The following CCBE1 variants were observed in gnomAD, a reference collection of about 807,000 sequenced individuals.
CCBE1 encodes the protein collagen and calcium binding EGF domains 1, also known as collagen and calcium-binding EGF domain-containing protein 1.
In CCBE1, 37 loss-of-function variants were observed where a neutral mutation model predicts 50.0. That is an observed-to-expected ratio of 0.74 (90% confidence interval 0.57 to 0.97). CCBE1 has a LOEUF of 0.97. Ranked by LOEUF, CCBE1 falls within the 50% of genes least tolerant of loss-of-function variation. CCBE1 has a pLI of 0.00. For synonymous variants in CCBE1, 234 were observed against 203.7 expected (o/e 1.15, Z -1.27); for missense variants, 538 against 523.8 (o/e 1.03, Z -0.26).
intron 2 of CCBE1, among the ~76,000 whole-genome samples, chr18:59,610,074 C>T (rs2053549521): frequency 2.0e-5 from 3 of 152,184 alleles, no homozygotes; most frequent in African/African-American, 7.2e-5. Context: ...AGGTTATTAA[C>T]ATGAAAAATA....
intron 7 of CCBE1, among the ~76,000 whole-genome samples, chr18:59,441,368 G>A (rs1910413409): frequency 6.6e-6 from 1 of 151,940 alleles, no homozygotes; most frequent in Admixed American, 6.6e-5. Flanking sequence ...AAATTAGTCA[G>A]GTGTGGTGGT....
chr18:59,636,820 A>C (rs927589107), intron 2 of CCBE1, among the ~76,000 whole-genome samples: 2 of 152,258 alleles, frequency 1.3e-5, no homozygotes, highest in African/African-American at 4.8e-5. Context: ...CTGACTGTAA[A>C]ATAAACAATA....
intron 2 of CCBE1, among the ~76,000 whole-genome samples, chr18:59,482,402 C>G (rs1449982918): frequency 6.6e-6 from 1 of 152,162 alleles, no homozygotes; most frequent in Non-Finnish European, 1.5e-5. Context: ...CCTCAGGGAT[C>G]TAGAACCAGA....
At chr18:59,601,163 C>G (rs775065535) in intron 2 of CCBE1, among the ~76,000 whole-genome samples, 1 of 151,648 alleles carries the variant, frequency 6.6e-6, no homozygotes, top group African/African-American at 2.4e-5. Context: ...TCTTGAGTAG[C>G]TGGGACTAGA....
chr18:59,678,888 TA>T (rs2054546390), intron 2 of CCBE1, among the ~76,000 whole-genome samples: 1 of 152,074 alleles, frequency 6.6e-6, no homozygotes, highest in African/African-American at 2.4e-5. Context: ...CCAATTTTGC[TA>T]CAAAAAAAAT....
intron 2 of CCBE1, among the ~76,000 whole-genome samples, chr18:59,529,409 T>C (rs575616119): frequency 3.8e-4 from 58 of 152,204 alleles, no homozygotes; most frequent in Non-Finnish European, 5.9e-4. Flanking sequence ...CGGGAACTTG[T>C]AGTCTTAGGC....
At chr18:59,529,001 G>A (rs570431390) in intron 2 of CCBE1, among the ~76,000 whole-genome samples, 1 of 152,358 alleles carries the variant, frequency 6.6e-6, no homozygotes, top group South Asian at 2.1e-4. Context: ...GGCGGAGGGG[G>A]TGTGCTGCGC....
intron 2 of CCBE1, chr18:59,568,199 T>C (rs2052858446): frequency 6.6e-6 from 1 of 150,808 alleles, no homozygotes; most frequent in Non-Finnish European, 1.5e-5. Context: ...GAATGTGAGG[T>C]TCTGCCCTGT....
chr18:59,594,501 C>T (rs951281370), intron 2 of CCBE1, among the ~76,000 whole-genome samples: 5 of 152,156 alleles, frequency 3.3e-5, no homozygotes, highest in Non-Finnish European at 5.9e-5. Context: ...GTACTTAATG[C>T]CAGTGAACTG....
chr18:59,487,125 C>T (rs10503028), intron 2 of CCBE1, among the ~76,000 whole-genome samples: 1 of 146,816 alleles, frequency 6.8e-6, no homozygotes, highest in Non-Finnish European at 1.5e-5. Flanking sequence ...TCTAAAGGCA[C>T]ACTAGATGGT....
chr18:59,466,610 A>C, intron 5 of CCBE1, 129 bp downstream of exon 5: 1 of 427,868 alleles, frequency 2.3e-6, no homozygotes, highest in Non-Finnish European at 3.5e-6. Flanking sequence ...ACATAGCATA[A>C]TTACATAAAT....
At chr18:59,627,714 C>T (rs748596909) in intron 2 of CCBE1, among the ~76,000 whole-genome samples, 3 of 152,294 alleles carry the variant, frequency 2.0e-5, no homozygotes, top group East Asian at 1.9e-4. Context: ...AACCCCCAGA[C>T]GCTGGAAGCA....
chr18:59,564,983 G>C (rs895162407), intron 2 of CCBE1, among the ~76,000 whole-genome samples: 16 of 152,218 alleles, frequency 1.1e-4, no homozygotes, highest in Non-Finnish European at 1.8e-4. Flanking sequence ...GGAAAATCCA[G>C]CGTGATCACT....
intron 2 of CCBE1, among the ~76,000 whole-genome samples, chr18:59,504,335 G>C (rs1913767734): frequency 6.7e-6 from 1 of 150,290 alleles, no homozygotes; most frequent in Non-Finnish European, 1.5e-5. Flanking sequence ...ATTTTCCTCA[G>C]TAAAGATTTA....
intron 2 of CCBE1, among the ~76,000 whole-genome samples, chr18:59,536,316 G>A (rs1324014951): frequency 6.6e-6 from 1 of 152,086 alleles, no homozygotes; most frequent in Non-Finnish European, 1.5e-5. Context: ...CAGGCACTCA[G>A]GCCATCTGCA....
intron 2 of CCBE1, among the ~76,000 whole-genome samples, chr18:59,553,294 A>C (rs1915994459): frequency 6.6e-6 from 1 of 152,238 alleles, no homozygotes; most frequent in South Asian, 2.1e-4. Context: ...GTCTCATTCA[A>C]GCATGAGCAC....
intron 2 of CCBE1, among the ~76,000 whole-genome samples, chr18:59,516,785 G>A (rs1020690587): frequency 8.5e-5 from 13 of 152,122 alleles, no homozygotes; most frequent in African/African-American, 2.9e-4. Flanking sequence ...CCTGCACAGC[G>A]GCCAGAACAT....
intron 2 of CCBE1, among the ~76,000 whole-genome samples, chr18:59,687,922 C>T (rs1012659123): frequency 2.0e-5 from 3 of 152,182 alleles, no homozygotes; most frequent in African/African-American, 4.8e-5. Flanking sequence ...GATTGCACCA[C>T]TGCCCTCCAG....
At chr18:59,446,089 G>A (rs761034497) in intron 7 of CCBE1, among the ~76,000 whole-genome samples, 1 of 152,212 alleles carries the variant, frequency 6.6e-6, no homozygotes, top group African/African-American at 2.4e-5. Context: ...AGTTAAGAGA[G>A]AGAAGGAAAT....
Sources: allele counts gnomAD v4.1 joint callset (sites outside exome capture counted in the v4.1 genomes callset), GRCh38; gene constraint gnomAD v4.1.1; transcripts MANE v1.5; gene names NCBI Gene and HGNC (gene_info 2026-07-23, HGNC 2026-07-21).